The following MEGF6 variants were observed in gnomAD, a reference collection of about 807,000 sequenced individuals.
MEGF6 encodes the protein multiple epidermal growth factor-like domains protein 6.
A neutral mutation model predicts 207.1 loss-of-function variants in MEGF6; 184 were observed. The observed-to-expected ratio is 0.89, with a 90% CI of 0.79 to 1.00. The LOEUF (loss-of-function observed/expected upper bound fraction) is 1.00. MEGF6 is among the 50% of genes least tolerant of loss of function. MEGF6 has a pLI of 0.00. For synonymous variants in MEGF6, 1,038 were observed against 910.0 expected, an observed-to-expected ratio of 1.14 and a Z score of -2.53; for missense variants, 2,282 against 2,202.9, an observed-to-expected ratio of 1.04 and a Z score of -0.72.
intron 4 of MEGF6, among the ~76,000 whole-genome samples, chr1:3,530,160 G>C (rs981050281): frequency 3.3e-5 from 5 of 152,238 alleles, no homozygotes; most frequent in African/African-American, 1.2e-4. Flanking sequence ...CAGCCGGAAG[G>C]CTGCCTACCC....
At chr1:3,589,863 AAG>A (rs1643948583) in intron 3 of MEGF6, among the ~76,000 whole-genome samples, 1 of 152,230 alleles carries the variant, frequency 6.6e-6, no homozygotes, top group South Asian at 2.1e-4. Context: ...TAGTTTGGGA[AAG>A]CCTGTATAGT....
Position 3,603,812 on chromosome 1 carries a change from C to T in MEGF6, c.132-1212G>A, listed in dbSNP as rs541430257. 3.7e-3 allele frequency among the ~76,000 whole-genome samples: 559 copies of T among 152,286 alleles called. 3 individuals are homozygous for T. The highest frequency in any genetic ancestry group is 0.013 in the African/African-American group (521 of 41,554). On this transcript the variant is annotated intron_variant, in intron 1 of 36. Transcript: ENST00000356575. ...CCTGGCTCAGCACTCAGAGACTGCC[C>T]GCCCCGTCCAGCCACCCTGGCCCCA...
At chr1:3,561,735 G>A (rs1643208410) in intron 4 of MEGF6, among the ~76,000 whole-genome samples, 1 of 152,310 alleles carries the variant, frequency 6.6e-6, no homozygotes, top group African/African-American at 2.4e-5. Context: ...GTGGGGTGGC[G>A]GGGCACACGG....
Position 3,531,646 on chromosome 1 carries a change from C to T in MEGF6, c.482-7400G>A, listed in dbSNP as rs1376848237. ...ACAAACGCAGACATCCACATGTGACCCACAGACACAGGCACACAGACTCAC... is the reference window on the plus strand; with the variant it reads ...ACAAACGCAGACATCCACATGTGACTCACAGACACAGGCACACAGACTCAC... On this transcript the variant is annotated intron_variant, in intron 4 of 36. Transcript: ENST00000356575. Among the ~76,000 whole-genome samples the T allele has an allele frequency of 2.0e-5, 3 of 152,156 alleles. No homozygotes were observed. The East Asian group carries it at 5.8e-4, about 29-fold the overall frequency.
In MEGF6 at chr1:3,511,585, C is replaced by T. The variant is rs771206022; in HGVS notation, c.1079G>A (p.Gly360Asp). ...SAGPLCTCPR[G>D]YELDTDQRTC... The stretch of plus-strand genomic sequence containing the variant: ...CCTCTGATCTGTGTCCAGCTCGTAG[C>T]CGCGGGGACATGTGCACAGGGGCCC... The change falls in exon 9 of 37, where the codon GGC becomes GAC. Residue 360 changes from glycine (G) to aspartate (D), a missense_variant. By Grantham distance (94) the Gly-to-Asp change is moderately conservative (BLOSUM62 -1). Coordinates refer to ENST00000356575, the MANE Select transcript of MEGF6 (RefSeq NM_001409.4). 3.7e-6 allele frequency: 6 copies of T among 1,611,850 alleles called. No homozygotes were observed. In the African/African-American group the frequency reaches 4.0e-5, roughly 11 times the overall value.
intron 3 of MEGF6, 50 bp downstream of exon 3, chr1:3,595,287 TC>T: frequency 7.6e-7 from 1 of 1,307,872 alleles, no homozygotes; most frequent in Non-Finnish European, 1.1e-6. Context: ...CTCTGCTGAG[TC>T]CTCTGGGGTG....
At chr1:3,541,770 G>A (rs1642529844) in intron 4 of MEGF6, among the ~76,000 whole-genome samples, 1 of 152,158 alleles carries the variant, frequency 6.6e-6, no homozygotes, top group South Asian at 2.1e-4. Flanking sequence ...AGAGTGGGCG[G>A]GGATGGGTGG....
chr1:3,519,319 G>T (rs1641655671), intron 5 of MEGF6, among the ~76,000 whole-genome samples: 1 of 152,272 alleles, frequency 6.6e-6, no homozygotes, highest in Non-Finnish European at 1.5e-5. Flanking sequence ...CCTACCAGGG[G>T]CACCGTGTGC....
In MEGF6 at chr1:3,488,886, C is replaced by T. The variant is rs1188721568; in HGVS notation, c.*1642G>A. The stretch of plus-strand genomic sequence containing the variant: ...TTAGATCTGAGAACGTCTTGGTCGT[C>T]GTTGCTTCATGTCAATGACTTCTTA... On this transcript the variant is annotated 3_prime_UTR_variant, in exon 37 of 37. Coordinates refer to ENST00000356575, the MANE Select transcript of MEGF6 (RefSeq NM_001409.4). Among the ~76,000 whole-genome samples the T allele has an allele frequency of 1.3e-5, 2 of 152,292 alleles. No individual in the cohort carries two copies. The highest frequency in any genetic ancestry group is 6.5e-5 in the Admixed American group (1 of 15,296).
At chr1:3,579,151 C>T (rs1336801879) in intron 4 of MEGF6, among the ~76,000 whole-genome samples, 1 of 152,204 alleles carries the variant, frequency 6.6e-6, no homozygotes, top group African/African-American at 2.4e-5. Context: ...GATGAAGAAA[C>T]CCGGGACAGA....
chr1:3,612,943 C>T (rs1337050015), upstream of MEGF6, among the ~76,000 whole-genome samples: 1 of 152,170 alleles, frequency 6.6e-6, no homozygotes, highest in Non-Finnish European at 1.5e-5. Context: ...GGGAGCACCC[C>T]AAATCACCCA....
intron 14 of MEGF6, 61 bp downstream of exon 14, chr1:3,507,734 T>C: frequency 1.9e-6 from 3 of 1,607,506 alleles, no homozygotes; most frequent in Admixed American, 1.7e-5. Flanking sequence ...AGGGGTGGTG[T>C]CTCCCACTTC....
At chr1:3,500,812 C>A in intron 20 of MEGF6, 48 bp from the exon 21 acceptor site, 2 of 1,595,038 alleles carry the variant, frequency 1.3e-6, no homozygotes, top group South Asian at 1.1e-5. Context: ...GCGCGGGCCA[C>A]GGGCACCACA....
chr1:3,595,105 G>A (rs1434980828), intron 3 of MEGF6, among the ~76,000 whole-genome samples: 1 of 151,988 alleles, frequency 6.6e-6, no homozygotes, highest in East Asian at 1.9e-4. Flanking sequence ...GGCAGAGCCA[G>A]CAAAGTGGAC....
At chr1:3,605,735 C>T (rs553154778) in intron 1 of MEGF6, among the ~76,000 whole-genome samples, 35 of 152,296 alleles carry the variant, frequency 2.3e-4, no homozygotes, top group African/African-American at 7.7e-4. Context: ...GATACACACA[C>T]AGGCACACAC....
chr1:3,493,014 C>T (rs560028906), intron 34 of MEGF6: 11 of 539,924 alleles, frequency 2.0e-5, no homozygotes, highest in South Asian at 7.7e-5. Flanking sequence ...CCCAGGCACA[C>T]GTCCAGAGTC....
chr1:3,502,094 C>T (rs1569967609), intron 17 of MEGF6, among the ~76,000 whole-genome samples, 173 bp from the exon 18 acceptor site: 4 of 152,198 alleles, frequency 2.6e-5, no homozygotes. Context: ...CCCCCCCGCG[C>T]CTCCTCACAT....
chr1:3,496,768 C>T lies in MEGF6; in HGVS notation c.3629G>A (p.Arg1210Gln), dbSNP rs1024087430. 1.2e-5 allele frequency: 18 copies of T among 1,558,270 alleles called. No homozygotes were observed. The highest frequency in any genetic ancestry group is 2.4e-5 in the East Asian group (1 of 41,532). The change falls in exon 29 of 37, where the codon CGG (arginine) becomes CAG (glutamine). Residue 1210 changes from arginine to glutamine, a missense_variant. By Grantham distance (43) the Arg-to-Gln change is conservative. Transcript: ENST00000356575. ...PSCQQRCPPG[R>Q]YGPGCEQLCG... The stretch of plus-strand genomic sequence containing the variant: ...CAGCTGTTCACAGCCTGGCCCATAC[C>T]GCCCGGGCGGACATCCTGCAGGGAG...
At chr1:3,591,502 A>T (rs1643977088) in intron 3 of MEGF6, among the ~76,000 whole-genome samples, 1 of 152,196 alleles carries the variant, frequency 6.6e-6, no homozygotes, top group Admixed American at 6.5e-5. Context: ...CTCTTACTGT[A>T]TACAGGCACC....
Sources: allele counts gnomAD v4.1 joint callset (sites outside exome capture counted in the v4.1 genomes callset), GRCh38; gene constraint gnomAD v4.1.1; transcripts MANE v1.5; gene names NCBI Gene and HGNC (gene_info 2026-07-23, HGNC 2026-07-21).